Variants in CSNK1A1 observed in about 807,000 individuals in gnomAD.
CSNK1A1 encodes casein kinase 1 alpha 1, also known as casein kinase I isoform alpha.
In CSNK1A1, 7 loss-of-function variants were observed where a neutral mutation model predicts 46.1. The ratio of observed to expected loss-of-function variants is 0.15; its 90% CI spans 0.09 to 0.29. The LOEUF is 0.29. CSNK1A1 is among the 10% of genes least tolerant of loss of function. The pLI, the probability that CSNK1A1 is intolerant of heterozygous loss-of-function variation, is 1.00. For synonymous variants in CSNK1A1, 137 were observed against 141.5 expected, an observed-to-expected ratio of 0.97 and a Z score of 0.23; for missense variants, 96 against 417.1, an observed-to-expected ratio of 0.23 and a Z score of 6.71.
chr5:149,505,471 C>T lies in CSNK1A1; in HGVS notation c.982G>A (p.Asp328Asn), dbSNP rs1289802484. ...CCTTTCATGTTACTCTTGGTTTTGTCAGTTTGCTTGCCTGTGGGGGTTTGG... is the reference window on the plus strand; with the variant it reads ...CCTTTCATGTTACTCTTGGTTTTGTTAGTTTGCTTGCCTGTGGGGGTTTGG... Reference protein sequence around the residue: ...QAQTPTGKQTDKTKSNMKGF With the variant: ...QAQTPTGKQTNKTKSNMKGF Residue 328 changes from aspartate to asparagine, a missense_variant, in exon 9 of 10, where the codon GAC becomes AAC. Physicochemically the swap from Asp to Asn is conservative, Grantham distance 23. Coordinates refer to ENST00000377843, the MANE Select transcript of CSNK1A1 (RefSeq NM_001892.6). The T allele has an allele frequency of 6.2e-7, 1 of 1,613,900 alleles. No homozygotes were observed. Among genetic ancestry groups the T allele is most frequent in the South Asian group, 1.1e-5 (1 of 91,052 alleles).
At chr5:149,537,560 G>A (rs1762097032) in intron 2 of CSNK1A1, among the ~76,000 whole-genome samples, 1 of 151,666 alleles carries the variant, frequency 6.6e-6, no homozygotes, top group African/African-American at 2.4e-5. Flanking sequence ...GTCTTTAGTA[G>A]AAATTCCTTG....
At chr5:149,504,513 G>T (rs1245556143) in intron 9 of CSNK1A1, 2 of 985,308 alleles carry the variant, frequency 2.0e-6, no homozygotes, top group Non-Finnish European at 2.4e-6. Flanking sequence ...CAGGTATCAG[G>T]AGGTAAGCCC....
At chr5:149,527,343 G>C (rs1017962706) in intron 2 of CSNK1A1, among the ~76,000 whole-genome samples, 5 of 152,108 alleles carry the variant, frequency 3.3e-5, no homozygotes, top group African/African-American at 1.2e-4. Context: ...GGCCAGGCTG[G>C]TCTCGAATTC....
chr5:149,518,770 G>A lies in CSNK1A1; in HGVS notation c.456+1520C>T, dbSNP rs1019827603. Among the ~76,000 whole-genome samples the A allele has an allele frequency of 2.7e-5, 4 of 149,446 alleles. 1 individual carries two copies. Among genetic ancestry groups the A allele is most frequent in the South Asian group, 4.3e-4 (2 of 4,626 alleles). On this transcript the variant is annotated intron_variant, in intron 4 of 9. Transcript: ENST00000377843. ...TTACACTTCCTTAAGACAACTATGCGATTAACAAGCTATTCTTAAGGGGGT... is the reference window on the plus strand; with the variant it reads ...TTACACTTCCTTAAGACAACTATGCAATTAACAAGCTATTCTTAAGGGGGT...
At chr5:149,498,344 T>C (rs1760722529) in intron 9 of CSNK1A1, 1 of 985,340 alleles carries the variant, frequency 1.0e-6, no homozygotes, top group Non-Finnish European at 1.2e-6. Context: ...ATAACATAAC[T>C]TTGAGAATAT....
At chr5:149,541,970 C>CAAAAAAAAA (rs1171466150) in intron 2 of CSNK1A1, among the ~76,000 whole-genome samples, 3 of 40,050 alleles carry the variant, frequency 7.5e-5, no homozygotes, top group Non-Finnish European at 1.5e-4. Flanking sequence ...GACTGCATCT[C>CAAAAAAAAA]AAAAAAAAAA....
At chr5:149,516,439 T>C (rs569047954) in intron 4 of CSNK1A1, among the ~76,000 whole-genome samples, 2 of 151,410 alleles carry the variant, frequency 1.3e-5, no homozygotes, top group African/African-American at 4.8e-5. Context: ...TCAAAATCAC[T>C]GTGGCTAATC....
intron 2 of CSNK1A1, among the ~76,000 whole-genome samples, chr5:149,542,597 TATATATATATATA>T (rs1762275199): frequency 6.1e-4 from 2 of 3,256 alleles, no homozygotes; most frequent in African/African-American, 2.2e-3. Flanking sequence ...CAAATTTATA[TATATATATATATA>T]TATATATATA....
chr5:149,548,776 G>C (rs758525768), intron 2 of CSNK1A1, among the ~76,000 whole-genome samples: 60 of 152,286 alleles, frequency 3.9e-4, no homozygotes, highest in Non-Finnish European at 4.7e-4. Context: ...TTGAACCCGG[G>C]AGGCAGAGGT....
rs560390773 is a variant in CSNK1A1, at chr5:149,537,592, AC to A, written c.231-12422del. The stretch of plus-strand genomic sequence containing the variant: ...CTTGTGGTAATTACATTAAAAACAA[AC>A]AAAACAAAACAAAGAAAAAAAATAA... On this transcript the variant is annotated intron_variant, in intron 2 of 9. Transcript: ENST00000377843. 2.9e-3 allele frequency among the ~76,000 whole-genome samples: 446 copies of A among 151,802 alleles called. 3 individuals are homozygous for A. The highest frequency in any genetic ancestry group is 0.011 in the African/African-American group (438 of 41,232).
chr5:149,499,950 GTTT>G (rs796205179), intron 9 of CSNK1A1, among the ~76,000 whole-genome samples: 3 of 138,152 alleles, frequency 2.2e-5, no homozygotes, highest in African/African-American at 8.0e-5. Context: ...TGGTTGTGGG[GTTT>G]TTTTTCTTTT....
At chr5:149,538,962 G>A (rs912965270) in intron 2 of CSNK1A1, among the ~76,000 whole-genome samples, 1 of 151,348 alleles carries the variant, frequency 6.6e-6, no homozygotes, top group African/African-American at 2.4e-5. Context: ...AATGTATATA[G>A]ATATATAATA....
chr5:149,506,078 C>T (rs921291760), intron 8 of CSNK1A1, among the ~76,000 whole-genome samples: 5 of 152,012 alleles, frequency 3.3e-5, no homozygotes, highest in Non-Finnish European at 5.9e-5. Context: ...AGGCGCCTGC[C>T]ACCATACCCA....
In CSNK1A1 at chr5:149,496,850, T is replaced by C. The variant is rs755283157; in HGVS notation, c.*3A>G. 9 of 1,556,138 alleles carry C rather than the reference T, an allele frequency of 5.8e-6. No homozygotes were observed. The highest frequency in any genetic ancestry group is 5.5e-5 in the African/African-American group (4 of 73,282). On this transcript the variant is annotated 3_prime_UTR_variant, in exon 10 of 10. Transcript: ENST00000377843. ...TCTGCTTCTTCTGTTCCTCAATTCA[T>C]GCTTAGAAACCTGGTAAAAAATCAA... is the stretch of plus-strand genomic sequence containing the variant.
At chr5:149,507,952 T>C (rs1353238453) in intron 7 of CSNK1A1, among the ~76,000 whole-genome samples, 1 of 152,184 alleles carries the variant, frequency 6.6e-6, no homozygotes, top group Non-Finnish European at 1.5e-5. Flanking sequence ...CTCAACAATG[T>C]ATAAACATTT....
chr5:149,544,908 G>T (rs1375177735), intron 2 of CSNK1A1, among the ~76,000 whole-genome samples: 1 of 151,064 alleles, frequency 6.6e-6, no homozygotes, highest in African/African-American at 2.4e-5. Context: ...GGCCGAGGTG[G>T]GTGGATCATC....
At chr5:149,501,218 A>T (rs1403728093) in intron 9 of CSNK1A1, 1 of 985,176 alleles carries the variant, frequency 1.0e-6, no homozygotes, top group Non-Finnish European at 1.2e-6. Context: ...TTTCATCCGC[A>T]TTTCCTGTTG....
intron 2 of CSNK1A1, among the ~76,000 whole-genome samples, chr5:149,542,722 G>A (rs1447734812): frequency 1.8e-5 from 2 of 108,634 alleles, no homozygotes; most frequent in African/African-American, 3.6e-5. Context: ...TTGAGACAGA[G>A]GCTCGCTCTG....
intron 2 of CSNK1A1, among the ~76,000 whole-genome samples, chr5:149,547,964 G>C (rs976296120): frequency 6.6e-6 from 1 of 151,782 alleles, no homozygotes; most frequent in African/African-American, 2.4e-5. Flanking sequence ...TCCGACTCCC[G>C]GGTTCAAGCT....
Sources: gnomAD v4.1 joint callset for allele counts (sites outside exome capture counted in the v4.1 genomes callset) on GRCh38, gnomAD v4.1.1 for gene constraint, MANE v1.5 for transcripts, NCBI Gene and HGNC (gene_info 2026-07-23, HGNC 2026-07-21) for gene names.